The following TSHZ3 variants were observed in gnomAD, a reference collection of about 807,000 sequenced individuals.
The protein encoded by TSHZ3 is teashirt zinc finger homeobox 3, also known as teashirt homolog 3.
In TSHZ3, 10 loss-of-function variants were observed where a neutral mutation model predicts 64.5. That is an observed-to-expected ratio of 0.16 (90% CI 0.10 to 0.26). The LOEUF (loss-of-function observed/expected upper bound fraction) is 0.26, where lower values mean the gene tolerates loss of function less well. Among genes scored for constraint, TSHZ3 ranks in the 10% least tolerant of loss-of-function variants. The pLI is 1.00. For synonymous variants in TSHZ3, 608 were observed against 593.1 expected (o/e 1.03, Z -0.36); for missense variants, 1,242 against 1,421.7 (o/e 0.87, Z 2.03).
chr19:31,345,081 C>A (rs1159854075), intron 1 of TSHZ3, among the ~76,000 whole-genome samples: 1 of 152,156 alleles, frequency 6.6e-6, no homozygotes, highest in East Asian at 1.9e-4. Flanking sequence ...CTCTTCCCCA[C>A]GTGGACATCC....
chr19:31,167,634 A>G (rs1599556639), intron 5 of TSHZ3: 1 of 152,396 alleles, frequency 6.6e-6, no homozygotes, highest in Non-Finnish European at 1.5e-5. Flanking sequence ...GAAAAAAGGG[A>G]AAACAGCAAG....
intron 5 of TSHZ3, among the ~76,000 whole-genome samples, chr19:31,163,731 G>A (rs903941263): frequency 3.3e-5 from 5 of 152,088 alleles, no homozygotes; most frequent in Non-Finnish European, 7.4e-5. Flanking sequence ...ACTGTGTCTC[G>A]AAACAAACAA....
intron 1 of TSHZ3, among the ~76,000 whole-genome samples, chr19:31,258,692 C>T (rs891009049): frequency 1.3e-5 from 2 of 152,168 alleles, no homozygotes; most frequent in African/African-American, 4.8e-5. Context: ...CTGTTGAATA[C>T]AGGAAATAAG....
intron 1 of TSHZ3, chr19:31,305,382 AC>A (rs1353895923): frequency 6.6e-6 from 1 of 152,038 alleles, no homozygotes; most frequent in Non-Finnish European, 1.5e-5. Flanking sequence ...CCTTTATGCA[AC>A]TTTACATCCA....
At chr19:31,179,029 A>ATGATGATGAT (rs1555723692) in intron 5 of TSHZ3, among the ~76,000 whole-genome samples, 23 of 151,266 alleles carry the variant, frequency 1.5e-4, no homozygotes, top group Admixed American at 3.3e-4. Context: ...GATGATGATG[A>ATGATGATGAT]TGATGATGAT....
chr19:31,334,214 A>T (rs1917176435), intron 1 of TSHZ3, among the ~76,000 whole-genome samples: 1 of 152,220 alleles, frequency 6.6e-6, no homozygotes, highest in Non-Finnish European at 1.5e-5. Flanking sequence ...CAGAAAAGCA[A>T]GAGAAAATAA....
At chr19:31,337,311 A>C (rs1472758079) in intron 1 of TSHZ3, among the ~76,000 whole-genome samples, 1 of 152,212 alleles carries the variant, frequency 6.6e-6, no homozygotes, top group East Asian at 1.9e-4. Flanking sequence ...CGAACAAAAA[A>C]CAAAACAAGG....
intron 6 of TSHZ3, among the ~76,000 whole-genome samples, chr19:31,155,770 G>A (rs1049345416): frequency 3.9e-5 from 6 of 152,130 alleles, no homozygotes; most frequent in Middle Eastern, 3.2e-3. Flanking sequence ...GTTTCCACCT[G>A]AGGTTTCCCT....
intron 5 of TSHZ3, among the ~76,000 whole-genome samples, chr19:31,157,694 A>C (rs1244257263): frequency 6.6e-6 from 1 of 152,240 alleles, no homozygotes; most frequent in African/African-American, 2.4e-5. Flanking sequence ...ATGGGCTGGA[A>C]GGTGTCAACC....
intron 1 of TSHZ3, among the ~76,000 whole-genome samples, chr19:31,301,476 G>A (rs532306887): frequency 7.9e-5 from 12 of 152,284 alleles, no homozygotes; most frequent in South Asian, 2.1e-4. Context: ...TGGTCACGCC[G>A]TCTTGTCCAC....
intron 3 of TSHZ3, among the ~76,000 whole-genome samples, chr19:31,235,632 CTCTTTCTTTCTT>C (rs68051505): frequency 8.3e-6 from 1 of 120,274 alleles, no homozygotes; most frequent in African/African-American, 3.4e-5. Context: ...TCTTTCTTTC[CTCTTTCTTTCTT>C]TCTTTCTATT....
chr19:31,178,674 C>T (rs1974651030), intron 5 of TSHZ3, among the ~76,000 whole-genome samples: 1 of 152,122 alleles, frequency 6.6e-6, no homozygotes, highest in Non-Finnish European at 1.5e-5. Flanking sequence ...AACAAAACTC[C>T]TTCTCAAGAA....
intron 4 of TSHZ3, among the ~76,000 whole-genome samples, chr19:31,226,072 G>T (rs941813663): frequency 2.0e-5 from 3 of 151,332 alleles, no homozygotes; most frequent in Middle Eastern, 3.2e-3. Context: ...GTTGCAGTGA[G>T]CCAACCTCAT....
intron 5 of TSHZ3, among the ~76,000 whole-genome samples, chr19:31,184,276 G>A (rs1010565217): frequency 6.6e-6 from 1 of 152,124 alleles, no homozygotes; most frequent in Non-Finnish European, 1.5e-5. Flanking sequence ...AAAATCCAAA[G>A]CACCAACTTT....
chr19:31,150,372 T>C (rs1458849516), exon 7 of TSHZ3, among the ~76,000 whole-genome samples: 1 of 152,218 alleles, frequency 6.6e-6, no homozygotes, highest in Non-Finnish European at 1.5e-5. Context: ...GCTCATCTTC[T>C]AGCACAATTA....
intron 4 of TSHZ3, among the ~76,000 whole-genome samples, chr19:31,222,157 G>T (rs908190752): frequency 6.6e-6 from 1 of 152,182 alleles, no homozygotes; most frequent in Non-Finnish European, 1.5e-5. Flanking sequence ...TAGCTAGACT[G>T]TAAGAATTCC....
In TSHZ3 at chr19:31,343,164, A is replaced by G. The variant is rs576827960; in HGVS notation, c.40+6016T>C. 6.6e-5 allele frequency among the ~76,000 whole-genome samples: 10 copies of G among 152,286 alleles called. No homozygotes were observed. The East Asian group carries it at 7.7e-4, about 12-fold the overall frequency. Reference sequence around the variant, plus strand: ...AATCTGAACTTACCCTGTTTCCCCAACAGCTGTTCTGGATGAAGAAAACAC... The same window carrying G: ...AATCTGAACTTACCCTGTTTCCCCAGCAGCTGTTCTGGATGAAGAAAACAC... On this transcript the variant is annotated intron_variant, in intron 1 of 1. Coordinates refer to ENST00000240587, the MANE Select transcript of TSHZ3 (RefSeq NM_020856.4).
chr19:31,176,689 C>G (rs1885406567), intron 5 of TSHZ3, among the ~76,000 whole-genome samples: 1 of 152,100 alleles, frequency 6.6e-6, no homozygotes, highest in Admixed American at 6.5e-5. Flanking sequence ...CCTAGGGAGG[C>G]TGAGGTGGGA....
chr19:31,350,262 C>T (rs540771940), upstream of TSHZ3, among the ~76,000 whole-genome samples: 138 of 150,748 alleles, frequency 9.2e-4, no homozygotes, highest in African/African-American at 3.0e-3. Flanking sequence ...CCCCGCGCCA[C>T]CCAGCTCCTC....
Sources: gnomAD v4.1 joint callset for allele counts (sites outside exome capture counted in the v4.1 genomes callset) on GRCh38, gnomAD v4.1.1 for gene constraint, MANE v1.5 for transcripts, NCBI Gene and HGNC (gene_info 2026-07-23, HGNC 2026-07-21) for gene names.